Variants in ZC3H6 observed in about 807,000 individuals in gnomAD.
The protein encoded by ZC3H6 is zinc finger CCCH domain-containing protein 6.
ZC3H6 carries 40 observed loss-of-function variants against 107.7 expected under a neutral mutation model. That is an observed-to-expected ratio of 0.37 (90% CI 0.29 to 0.48). ZC3H6 has a LOEUF of 0.48. ZC3H6 is among the 20% of genes least tolerant of loss of function. The pLI, the probability that ZC3H6 is intolerant of heterozygous loss-of-function variation, is 0.98. For missense variants in ZC3H6, 1,267 were observed against 1,410.4 expected (o/e 0.90, Z 1.63); for synonymous variants, 493 against 487.9 (o/e 1.01, Z -0.14).
chr2:112,319,019 A>G (rs946305479), intron 7 of ZC3H6, among the ~76,000 whole-genome samples: 4 of 152,248 alleles, frequency 2.6e-5, no homozygotes, highest in Non-Finnish European at 5.9e-5. Flanking sequence ...TCTAGAAATC[A>G]GTAAAAGTAA....
intron 1 of ZC3H6, among the ~76,000 whole-genome samples, chr2:112,282,883 T>C (rs536820828): frequency 8.3e-4 from 127 of 152,326 alleles, no homozygotes; most frequent in Non-Finnish European, 1.4e-3. Context: ...AGCAGTTACT[T>C]ACATCAATCT....
chr2:112,324,558 CA>C lies in ZC3H6; in HGVS notation c.1748del (p.Gln583ArgfsTer88). 6.2e-7 allele frequency: 1 copy of C among 1,611,992 alleles called. No homozygotes were observed. The highest frequency in any genetic ancestry group is 8.5e-7 in the Non-Finnish European group (1 of 1,178,918). ...SSYQQSPGEMQLNTNYESLQN... is the reference protein window; with the variant it reads ...SSYQQSPGEMXLNTNYESLQN... ...ATACCAGCAAAGTCCTGGTGAAATG[CA>C]GCTCAACACCAATTATGAGTCCCTG... On this transcript the variant is annotated frameshift_variant, in exon 10 of 12. Transcript: ENST00000409871. LOFTEE classifies it high-confidence loss of function.
At chr2:112,304,534 T>C (rs1676440158) in intron 3 of ZC3H6, among the ~76,000 whole-genome samples, 1 of 152,194 alleles carries the variant, frequency 6.6e-6, no homozygotes, top group South Asian at 2.1e-4. Context: ...CAGGAACCCC[T>C]GGTGTTTCTC....
chr2:112,289,187 G>A (rs1278373360), intron 1 of ZC3H6, among the ~76,000 whole-genome samples: 2 of 151,806 alleles, frequency 1.3e-5, no homozygotes, highest in African/African-American at 4.8e-5. Context: ...TGTAGTTTTA[G>A]TAGAGACGGG....
Position 112,332,544 on chromosome 2 carries a change from G to C in ZC3H6, c.*56G>C. The C allele has an allele frequency of 6.7e-7, 1 of 1,500,688 alleles. No homozygotes were observed. Among genetic ancestry groups the C allele is most frequent in the South Asian group, 1.3e-5 (1 of 75,190 alleles). The allele number at this position is 1,500,688 out of a possible 1,614,324, so 93.0% of individuals were successfully genotyped here. A position where few individuals can be genotyped will look rare whatever the true frequency, so the allele number is the denominator to read the frequency against. ...CTTGTGACTATCTCAGTCCTCTGCT[G>C]TTTTGTAACTGGTTTACCTCTATAG... is the stretch of plus-strand genomic sequence containing the variant. On this transcript the variant is annotated 3_prime_UTR_variant, in exon 12 of 12. Transcript: ENST00000409871.
In ZC3H6 at chr2:112,299,773, CT is replaced by C. The variant is rs553286749; in HGVS notation, c.33-69del. On this transcript the variant is annotated intron_variant, in intron 1 of 11. Coordinates refer to ENST00000409871, the MANE Select transcript of ZC3H6 (RefSeq NM_198581.3). ...ATATAACATAAATCCTTGGCATATG[CT>C]TTTTTTCTTTTGAAAATCTTTCTGT... 54 of 1,169,202 alleles carry C rather than the reference CT, an allele frequency of 4.6e-5. No homozygotes were observed. The South Asian group carries it at 1.3e-3, about 28-fold the overall frequency. 72.4% of individuals were successfully genotyped at this position (1,169,202 alleles called of 1,614,324 possible). A position where few individuals can be genotyped will look rare whatever the true frequency, so the allele number is the denominator to read the frequency against.
chr2:112,283,445 T>G (rs1686559855), intron 1 of ZC3H6, among the ~76,000 whole-genome samples: 1 of 152,196 alleles, frequency 6.6e-6, no homozygotes, highest in Non-Finnish European at 1.5e-5. Flanking sequence ...TCCGAGTAGT[T>G]TCTAAAGAGA....
At chr2:112,277,440 A>G (rs917126819) in intron 1 of ZC3H6, among the ~76,000 whole-genome samples, 2 of 152,104 alleles carry the variant, frequency 1.3e-5, no homozygotes, top group Non-Finnish European at 2.9e-5. Flanking sequence ...CTTAGTGCAC[A>G]AAGTAACTTC....
chr2:112,310,659 T>C (rs576237496), intron 4 of ZC3H6, among the ~76,000 whole-genome samples: 66 of 152,332 alleles, frequency 4.3e-4, no homozygotes, highest in Non-Finnish European at 6.8e-4. Context: ...ACATGGTCCC[T>C]GGAGAGACCA....
intron 1 of ZC3H6, among the ~76,000 whole-genome samples, chr2:112,281,288 G>A (rs1016661695): frequency 2.0e-5 from 3 of 152,152 alleles, no homozygotes; most frequent in Non-Finnish European, 4.4e-5. Context: ...TATAAAGGGA[G>A]TGGGAGGTAG....
Position 112,339,624 on chromosome 2 carries a change from T to C in ZC3H6, c.*7136T>C, listed in dbSNP as rs1677205840. 6.6e-6 allele frequency: 1 copy of C among 151,978 alleles called. No individual in the cohort carries two copies. The highest frequency in any genetic ancestry group is 1.5e-5 in the Non-Finnish European group (1 of 68,026). 9.4% of individuals were successfully genotyped at this position (151,978 alleles called of 1,614,324 possible). A position where few individuals can be genotyped will look rare whatever the true frequency, so the allele number is the denominator to read the frequency against. ...GGGGCAGGCGGGAGTTGTCCAGGTT[T>C]AAGATTGTTTGTTTTCCATCAGATC... On this transcript the variant is annotated 3_prime_UTR_variant, in exon 12 of 12. Coordinates refer to ENST00000409871, the MANE Select transcript of ZC3H6 (RefSeq NM_198581.3).
intron 1 of ZC3H6, among the ~76,000 whole-genome samples, chr2:112,283,527 CAAAG>C (rs1686560693): frequency 6.6e-6 from 1 of 152,030 alleles, no homozygotes; most frequent in Admixed American, 6.6e-5. Context: ...GGTATGAAAA[CAAAG>C]ATCCTAGATT....
At chr2:112,293,455 A>C (rs925897422) in intron 1 of ZC3H6, among the ~76,000 whole-genome samples, 5 of 152,374 alleles carry the variant, frequency 3.3e-5, no homozygotes, top group Non-Finnish European at 5.9e-5. Context: ...ATTGATACTC[A>C]TCAGATTTTA....
intron 1 of ZC3H6, among the ~76,000 whole-genome samples, chr2:112,281,199 T>C (rs372217464): frequency 3.9e-5 from 6 of 152,030 alleles, no homozygotes; most frequent in Non-Finnish European, 7.4e-5. Flanking sequence ...GAAGCACTTA[T>C]GAAAGAGTAA....
At chr2:112,316,647 T>G in intron 6 of ZC3H6, 61 bp downstream of exon 6, 9 of 1,098,082 alleles carry the variant, frequency 8.2e-6, no homozygotes, top group Non-Finnish European at 1.2e-5. Flanking sequence ...AAAATTAAAG[T>G]CTTTTGGGGG....
intron 11 of ZC3H6, among the ~76,000 whole-genome samples, chr2:112,326,227 C>CT (rs774242525): frequency 2.0e-4 from 31 of 152,012 alleles, no homozygotes; most frequent in Non-Finnish European, 4.4e-4. Flanking sequence ...CAGGTATACT[C>CT]TTTTAGTTTT....
At chr2:112,278,568 C>G (rs1686470216) in intron 1 of ZC3H6, among the ~76,000 whole-genome samples, 1 of 152,334 alleles carries the variant, frequency 6.6e-6, no homozygotes, top group East Asian at 1.9e-4. Flanking sequence ...ATCCACCAGC[C>G]TTGGCCTCCC....
intron 1 of ZC3H6, among the ~76,000 whole-genome samples, chr2:112,283,770 G>A (rs72831688): frequency 0.11 from 16,355 of 152,204 alleles, 1,192 homozygotes; most frequent in Non-Finnish European, 0.16. Flanking sequence ...TGCTTCATAA[G>A]GATCGTTACT....
At position 112,339,008 on chromosome 2, in the gene ZC3H6, C is replaced by T. The variant is rs1256892351; in HGVS notation, c.*6520C>T. On this transcript the variant is annotated 3_prime_UTR_variant, in exon 12 of 12. Coordinates refer to ENST00000409871, the MANE Select transcript of ZC3H6 (RefSeq NM_198581.3). ...CTCCCAGGTTCAAGCAATTCTGCCT[C>T]AGCCTCCCGAGTAGCTGGAATTACA... 1.3e-5 allele frequency: 2 copies of T among 151,042 alleles called. No individual in the cohort carries two copies. Among genetic ancestry groups the T allele is most frequent in the Non-Finnish European group, 3.0e-5 (2 of 67,712 alleles). The allele number at this position is 151,042 out of a possible 1,614,324, so 9.4% of individuals were successfully genotyped here.
Sources: gnomAD v4.1 joint callset for allele counts (sites outside exome capture counted in the v4.1 genomes callset) on GRCh38, gnomAD v4.1.1 for gene constraint, MANE v1.5 for transcripts, NCBI Gene and HGNC (gene_info 2026-07-23, HGNC 2026-07-21) for gene names.